The following CLEC16A variants were observed in gnomAD, a reference collection of about 807,000 sequenced individuals.
CLEC16A encodes C-type lectin domain containing 16A.
CLEC16A carries 51 observed loss-of-function variants against 109.5 expected under a neutral mutation model. The observed-to-expected ratio is 0.47, with a 90% CI of 0.37 to 0.59. The LOEUF (loss-of-function observed/expected upper bound fraction) is 0.59, where lower values mean the gene tolerates loss of function less well. CLEC16A is among the 20% of genes least tolerant of loss of function. The probability of loss-of-function intolerance (pLI) is 0.00; values close to 1 mark genes in which losing one functional copy is unlikely to be tolerated. For missense variants in CLEC16A, 1,339 were observed against 1,394.0 expected (o/e 0.96, Z 0.63); for synonymous variants, 673 against 564.2 (o/e 1.19, Z -2.73).
At chr16:10,963,852 TGGGTAGA>T (rs1314714109) in intron 3 of CLEC16A, among the ~76,000 whole-genome samples, 2 of 152,154 alleles carry the variant, frequency 1.3e-5, no homozygotes, top group African/African-American at 4.8e-5. Context: ...TGACATCTAG[TGGGTAGA>T]GGGTAGGGGT....
At chr16:10,958,040 T>G in intron 2 of CLEC16A, 130 bp downstream of exon 2, 3 of 810,474 alleles carry the variant, frequency 3.7e-6, no homozygotes, top group East Asian at 5.3e-5. Context: ...TATCTATCTC[T>G]GTCTAGCTGT....
At chr16:11,114,674 G>T (rs1006292007) in intron 19 of CLEC16A, among the ~76,000 whole-genome samples, 4 of 152,192 alleles carry the variant, frequency 2.6e-5, no homozygotes, top group Non-Finnish European at 5.9e-5. Flanking sequence ...GTCCCAAGGT[G>T]ACTAGCCTGT....
intron 21 of CLEC16A, 76 bp from the exon 22 acceptor site, chr16:11,125,903 G>GT (rs2052773113): frequency 1.6e-5 from 5 of 309,464 alleles, no homozygotes; most frequent in South Asian, 3.9e-5. Context: ...CCACTACGAT[G>GT]TCCCCCCCCC....
At chr16:11,145,478 A>G (rs1421322692) in intron 22 of CLEC16A, among the ~76,000 whole-genome samples, 1 of 152,258 alleles carries the variant, frequency 6.6e-6, no homozygotes, top group Non-Finnish European at 1.5e-5. Flanking sequence ...AGATGCAGTC[A>G]TGACAAGGAC....
chr16:11,022,458 G>A (rs939912718), intron 12 of CLEC16A, among the ~76,000 whole-genome samples: 1 of 151,598 alleles, frequency 6.6e-6, no homozygotes, highest in Non-Finnish European at 1.5e-5. Flanking sequence ...CTGAGGCAGG[G>A]AGTGGGAAGG....
At chr16:11,059,561 T>C (rs2048374814) in intron 18 of CLEC16A, among the ~76,000 whole-genome samples, 1 of 152,190 alleles carries the variant, frequency 6.6e-6, no homozygotes, top group African/African-American at 2.4e-5. Flanking sequence ...TGCACCTCTT[T>C]GCAGACAGTA....
rs530430181 is a variant in CLEC16A at position 11,125,767 on chromosome 16, C to G, written c.2474-212C>G. Reference sequence around the variant, plus strand: ...TTGGTCTCAACCTTGGCCCGAAGCCCTCACTTGGCTTCCGCTTGTGCGTTG... The same window carrying G: ...TTGGTCTCAACCTTGGCCCGAAGCCGTCACTTGGCTTCCGCTTGTGCGTTG... On this transcript the variant is annotated intron_variant, in intron 21 of 23. Coordinates refer to ENST00000409790, the MANE Select transcript of CLEC16A (RefSeq NM_015226.3). 8.5e-5 allele frequency among the ~76,000 whole-genome samples: 13 copies of G among 152,330 alleles called. No homozygotes were observed. The East Asian group carries it at 2.3e-3, about 27-fold the overall frequency.
rs2043629895 is a variant in CLEC16A, at chr16:10,986,026, T to A, written c.1071+3035T>A. On this transcript the variant is annotated intron_variant, in intron 10 of 23. Coordinates refer to ENST00000409790, the MANE Select transcript of CLEC16A (RefSeq NM_015226.3). Reference sequence around the variant, plus strand: ...TGGCCTGCAGAATTTTTTTTTTTTTTTTTTTTTTTTTTTTTTTTTTTTGAG... The same window carrying A: ...TGGCCTGCAGAATTTTTTTTTTTTTATTTTTTTTTTTTTTTTTTTTTTGAG... Among the ~76,000 whole-genome samples, 2 of 102,926 alleles carry A rather than the reference T, an allele frequency of 1.9e-5. 1 individual carries two copies. The allele number at this position is 102,926 out of a possible 152,430, so 67.5% of individuals were successfully genotyped here. A position where few individuals can be genotyped will look rare whatever the true frequency, so the allele number is the denominator to read the frequency against.
intron 1 of CLEC16A, among the ~76,000 whole-genome samples, chr16:10,947,412 C>G (rs1259957702): frequency 6.6e-6 from 1 of 152,146 alleles, no homozygotes; most frequent in East Asian, 1.9e-4. Flanking sequence ...GTGCTGAGAT[C>G]GCCATGGACC....
At position 11,107,090 on chromosome 16, in the gene CLEC16A, G is replaced by T. The variant is rs1038432834; in HGVS notation, c.2117-13525G>T. ...AGGCGGCAGAGGCCCGGACATCAGT[G>T]TGGCACCTGTAGTGGGACGCCCAGT... is the stretch of plus-strand genomic sequence containing the variant. On this transcript the variant is annotated intron_variant, in intron 19 of 23. Coordinates refer to ENST00000409790, the MANE Select transcript of CLEC16A (RefSeq NM_015226.3). Among the ~76,000 whole-genome samples the T allele has an allele frequency of 4.6e-5, 7 of 152,370 alleles. No individual in the cohort carries two copies. In the East Asian group the frequency reaches 1.2e-3, roughly 25 times the overall value.
At chr16:11,126,235 C>T (rs777560479) in intron 22 of CLEC16A, 89 bp downstream of exon 22, 22 of 1,580,608 alleles carry the variant, frequency 1.4e-5, no homozygotes, top group Non-Finnish European at 1.9e-5. Flanking sequence ...GTGAGCTGCC[C>T]TTCCTCTCTC....
intron 13 of CLEC16A, among the ~76,000 whole-genome samples, chr16:11,026,652 T>G (rs1270455707): frequency 3.3e-5 from 5 of 150,972 alleles, no homozygotes; most frequent in Admixed American, 6.6e-5. Flanking sequence ...GGGGTTTTTT[T>G]TTTTTTTTTT....
At position 11,126,085 on chromosome 16, in the gene CLEC16A, C is replaced by CCGGGGCAGCAGCGACCCCA; in HGVS notation, c.2582_2600dup (p.Val868GlyfsTer84). 6.2e-7 allele frequency: 1 copy of CCGGGGCAGCAGCGACCCCA among 1,613,932 alleles called. No individual in the cohort carries two copies. The highest frequency in any genetic ancestry group is 8.5e-7 in the Non-Finnish European group (1 of 1,179,884). On this transcript the variant is annotated frameshift_variant, in exon 22 of 24. Transcript: ENST00000409790. LOFTEE classifies it high-confidence loss of function. The stretch of plus-strand genomic sequence containing the variant: ...CTTTCCGCTTCTACGACCAGGGGCG[C>CCGGGGCAGCAGCGACCCCA]CGGGGCAGCAGCGACCCCACAGTGC...
At chr16:11,024,786 C>T in intron 12 of CLEC16A, 35 bp from the exon 13 acceptor site, 2 of 1,509,798 alleles carry the variant, frequency 1.3e-6, no homozygotes, top group Non-Finnish European at 1.8e-6. Flanking sequence ...CCCTTGTGCA[C>T]CGTGAGGCTC....
intron 19 of CLEC16A, among the ~76,000 whole-genome samples, chr16:11,094,794 G>A (rs774583539): frequency 2.6e-5 from 4 of 152,180 alleles, no homozygotes; most frequent in Non-Finnish European, 4.4e-5. Flanking sequence ...TGAATTTTAC[G>A]TGAATCACAT....
chr16:11,054,368 G>A (rs191141142), intron 18 of CLEC16A, among the ~76,000 whole-genome samples: 6 of 152,322 alleles, frequency 3.9e-5, no homozygotes, highest in Admixed American at 3.3e-4. Flanking sequence ...GTGAGGACTC[G>A]GCAGCAAGCC....
At chr16:11,125,380 G>C (rs1009996362) in intron 21 of CLEC16A, among the ~76,000 whole-genome samples, 2 of 151,612 alleles carry the variant, frequency 1.3e-5, no homozygotes, top group Non-Finnish European at 2.9e-5. Context: ...TGAGAATTAT[G>C]CTGTAAAGTG....
At chr16:11,055,641 G>A (rs1386944980) in intron 18 of CLEC16A, among the ~76,000 whole-genome samples, 1 of 127,694 alleles carries the variant, frequency 7.8e-6, no homozygotes, top group East Asian at 2.4e-4. Flanking sequence ...ATGCTGGAGT[G>A]CAGTGGCATG....
chr16:11,099,627 G>C (rs773834248), intron 19 of CLEC16A, among the ~76,000 whole-genome samples: 1 of 152,170 alleles, frequency 6.6e-6, no homozygotes, highest in Non-Finnish European at 1.5e-5. Flanking sequence ...AGTCTTTCAG[G>C]ATCCCAGCTC....
Sources: gnomAD v4.1 joint callset for allele counts (sites outside exome capture counted in the v4.1 genomes callset) on GRCh38, gnomAD v4.1.1 for gene constraint, MANE v1.5 for transcripts, NCBI Gene and HGNC (gene_info 2026-07-23, HGNC 2026-07-21) for gene names.